Variants in ERBB4 observed in about 807,000 individuals in gnomAD.
ERBB4 encodes the protein receptor tyrosine-protein kinase erbB-4.
Under a neutral mutation model 158.0 loss-of-function variants are expected in ERBB4, and 42 were observed. That is an observed-to-expected ratio of 0.27 (90% CI 0.21 to 0.34). The LOEUF is 0.34. ERBB4 is among the 10% of genes least tolerant of loss of function. The pLI is 1.00. For missense variants in ERBB4, 1,333 were observed against 1,624.1 expected, an observed-to-expected ratio of 0.82 and a Z score of 3.08; for synonymous variants, 583 against 558.7, an observed-to-expected ratio of 1.04 and a Z score of -0.61.
chr2:212,222,605 T>C (rs2083330792), intron 1 of ERBB4, among the ~76,000 whole-genome samples: 2 of 148,040 alleles, frequency 1.4e-5, no homozygotes, highest in African/African-American at 2.4e-5. Flanking sequence ...CATGACACCA[T>C]ATTCTCTTGG....
chr2:212,283,704 T>C (rs774908246), intron 1 of ERBB4, among the ~76,000 whole-genome samples: 2 of 152,052 alleles, frequency 1.3e-5, no homozygotes, highest in Non-Finnish European at 2.9e-5. Flanking sequence ...ATACAGATCC[T>C]GATTTATTTC....
At chr2:212,416,226 G>T (rs1476798733) in intron 1 of ERBB4, among the ~76,000 whole-genome samples, 1 of 152,108 alleles carries the variant, frequency 6.6e-6, no homozygotes, top group Non-Finnish European at 1.5e-5. Context: ...CTATTTATCT[G>T]CCATATCCAA....
intron 1 of ERBB4, among the ~76,000 whole-genome samples, chr2:212,260,069 A>G (rs1018912080): frequency 9.0e-6 from 1 of 111,718 alleles, no homozygotes; most frequent in Non-Finnish European, 1.9e-5. Flanking sequence ...ACTCTGTCTC[A>G]GAAAAAAAAA....
intron 1 of ERBB4, among the ~76,000 whole-genome samples, chr2:212,474,219 T>C (rs1689259629): frequency 3.3e-5 from 5 of 151,940 alleles, no homozygotes. Flanking sequence ...TTTTTTTTTT[T>C]AGTATTTGCT....
intron 1 of ERBB4, among the ~76,000 whole-genome samples, chr2:212,518,894 G>A (rs1691990320): frequency 6.6e-6 from 1 of 151,974 alleles, no homozygotes; most frequent in Non-Finnish European, 1.5e-5. Flanking sequence ...ATAGTTGCAT[G>A]TCAGGCAATA....
chr2:211,702,258 G>A, intron 11 of ERBB4, 92 bp from the exon 12 acceptor site: 4 of 927,430 alleles, frequency 4.3e-6, no homozygotes, highest in Non-Finnish European at 7.1e-6. Flanking sequence ...AATGTTAATG[G>A]TGTATAAATG....
At chr2:211,944,963 T>C (rs1370208481) in intron 3 of ERBB4, among the ~76,000 whole-genome samples, 1 of 152,114 alleles carries the variant, frequency 6.6e-6, no homozygotes, top group Non-Finnish European at 1.5e-5. Flanking sequence ...TTATACCAGG[T>C]ATAAAAAATT....
intron 2 of ERBB4, among the ~76,000 whole-genome samples, chr2:212,107,525 T>C (rs2125532170): frequency 6.6e-6 from 1 of 152,322 alleles, no homozygotes; most frequent in Middle Eastern, 3.4e-3. Flanking sequence ...TTGTCTCAGA[T>C]GAGACTTTGG....
At position 211,643,024 on chromosome 2, in the gene ERBB4, G is replaced by T. The variant is rs1360684638; in HGVS notation, c.1947-12430C>A. Among the ~76,000 whole-genome samples, 14 of 151,982 alleles carry T rather than the reference G, an allele frequency of 9.2e-5. 1 individual carries two copies. The highest frequency in any genetic ancestry group is 9.2e-4 in the Admixed American group (14 of 15,230). On this transcript the variant is annotated intron_variant, in intron 16 of 27. Coordinates refer to ENST00000342788, the MANE Select transcript of ERBB4 (RefSeq NM_005235.3). ...ATCCTGAGACAAGTTATTTTTCTTTGCTGGTTTTAGTTTAGTTTATCCCTC... is the reference window on the plus strand; with the variant it reads ...ATCCTGAGACAAGTTATTTTTCTTTTCTGGTTTTAGTTTAGTTTATCCCTC...
At chr2:212,430,091 TA>T (rs1395211783) in intron 1 of ERBB4, among the ~76,000 whole-genome samples, 9 of 152,206 alleles carry the variant, frequency 5.9e-5, no homozygotes, top group Non-Finnish European at 1.5e-5. Context: ...ATGCAACTGG[TA>T]AAGAAAATAA....
chr2:211,776,952 C>A (rs1343617440), intron 4 of ERBB4, among the ~76,000 whole-genome samples: 2 of 151,972 alleles, frequency 1.3e-5, no homozygotes, highest in Admixed American at 6.6e-5. Context: ...GCTGTTGGAG[C>A]GTTCGTGGTT....
chr2:211,420,447 C>T lies in ERBB4; in HGVS notation c.3129G>A (p.Ser1043=), dbSNP rs372014839. The part of the protein sequence containing the change: ...PIYTSRARID[S]NRSEIGHSPP... ...GTATATAATTATTTCTTACCCTATT[C>T]GAGTCAATTCTTGCTCTGGAAGTAT... The change falls in exon 25 of 28, where the codon TCG becomes TCA. Residue 1043 remains serine, a synonymous_variant. Transcript: ENST00000342788. 1.0e-5 allele frequency: 16 copies of T among 1,607,892 alleles called. No individual in the cohort carries two copies. The highest frequency in any genetic ancestry group is 6.6e-5 in the South Asian group (6 of 90,878).
intron 3 of ERBB4, among the ~76,000 whole-genome samples, chr2:211,824,012 T>C (rs2077045253): frequency 1.3e-5 from 2 of 152,032 alleles, no homozygotes; most frequent in South Asian, 2.1e-4. Flanking sequence ...TTGTGCAGAA[T>C]GGTGATTTAG....
chr2:211,888,830 G>A (rs895179724), intron 3 of ERBB4, among the ~76,000 whole-genome samples: 18 of 151,696 alleles, frequency 1.2e-4, no homozygotes, highest in South Asian at 2.1e-4. Flanking sequence ...CGAATATTGC[G>A]CTTTTCAGAC....
chr2:212,411,721 GTC>G (rs1034616844), intron 1 of ERBB4, among the ~76,000 whole-genome samples: 3 of 152,104 alleles, frequency 2.0e-5, no homozygotes, highest in African/African-American at 7.2e-5. Flanking sequence ...GAAGTCAACA[GTC>G]TCTCTCTCCC....
chr2:211,617,772 T>C (rs541956523), intron 19 of ERBB4, among the ~76,000 whole-genome samples: 3 of 152,212 alleles, frequency 2.0e-5, no homozygotes, highest in South Asian at 2.1e-4. Context: ...GATAGAGATA[T>C]ATAGCAATTC....
chr2:211,643,147 T>A (rs2070661113), intron 16 of ERBB4, among the ~76,000 whole-genome samples: 1 of 152,094 alleles, frequency 6.6e-6, no homozygotes, highest in African/African-American at 2.4e-5. Context: ...AAACGTTAAG[T>A]AACAACTTCC....
intron 20 of ERBB4, among the ~76,000 whole-genome samples, chr2:211,464,115 T>G (rs1288113922): frequency 6.6e-6 from 1 of 152,230 alleles, no homozygotes; most frequent in Admixed American, 6.5e-5. Flanking sequence ...TCTGTATTTC[T>G]TCTCCCTTTC....
rs185714468 is a variant in ERBB4, at chr2:211,454,442, C to G, written c.2488-23342G>C. ...GTATTCTCTGACTCTATGCTTTACACTTCTTAGATAACATTTTGAATGCAG... is the reference window on the plus strand; with the variant it reads ...GTATTCTCTGACTCTATGCTTTACAGTTCTTAGATAACATTTTGAATGCAG... On this transcript the variant is annotated intron_variant, in intron 20 of 27. Transcript: ENST00000342788. Among the ~76,000 whole-genome samples, 707 of 152,300 alleles carry G rather than the reference C, an allele frequency of 4.6e-3. 19 individuals are homozygous for G. The highest frequency in any genetic ancestry group is 0.044 in the Admixed American group (671 of 15,302).
Sources: allele counts gnomAD v4.1 joint callset (sites outside exome capture counted in the v4.1 genomes callset), GRCh38; gene constraint gnomAD v4.1.1; transcripts MANE v1.5; gene names NCBI Gene and HGNC (gene_info 2026-07-23, HGNC 2026-07-21).